The following SCAPER variants were observed in gnomAD, a reference collection of about 807,000 sequenced individuals.
SCAPER encodes S-phase cyclin A associated protein in the ER.
A neutral mutation model predicts 182.2 loss-of-function variants in SCAPER; 98 were observed. The observed-to-expected ratio is 0.54, with a 90% CI of 0.46 to 0.64. The LOEUF is 0.64. Among genes scored for constraint, SCAPER ranks in the 30% least tolerant of loss-of-function variants. The pLI is 0.00. For missense variants in SCAPER, 1,432 were observed against 1,690.0 expected (o/e 0.85, Z 2.68); for synonymous variants, 605 against 564.6 (o/e 1.07, Z -1.01).
chr15:76,419,260 C>T (rs1183090777), intron 26 of SCAPER, among the ~76,000 whole-genome samples: 1 of 149,170 alleles, frequency 6.7e-6, no homozygotes, highest in Non-Finnish European at 1.5e-5. Context: ...ACCCAGGAGG[C>T]GGAGGCTGTG....
At chr15:76,478,914 A>G (rs1360473790) in intron 24 of SCAPER, among the ~76,000 whole-genome samples, 1 of 152,142 alleles carries the variant, frequency 6.6e-6, no homozygotes, top group Non-Finnish European at 1.5e-5. Flanking sequence ...CTACATTTAT[A>G]TAACCTTTAT....
Position 76,871,667 on chromosome 15 carries a change from G to C in SCAPER, c.7-9134C>G, listed in dbSNP as rs563335762. Among the ~76,000 whole-genome samples the C allele has an allele frequency of 4.0e-5, 6 of 150,890 alleles. No homozygotes were observed. The South Asian group carries it at 6.3e-4, about 16-fold the overall frequency. The stretch of plus-strand genomic sequence containing the variant: ...AGTTCACTGAAGCCTCTGCCTCCTG[G>C]GTTCAAGCAATTCTCCAGGTTCAAG... On this transcript the variant is annotated intron_variant, in intron 2 of 31. Coordinates refer to ENST00000563290, the MANE Select transcript of SCAPER (RefSeq NM_020843.4).
chr15:76,698,387 G>A (rs2058761310), intron 20 of SCAPER, among the ~76,000 whole-genome samples: 1 of 152,076 alleles, frequency 6.6e-6, no homozygotes, highest in Non-Finnish European at 1.5e-5. Context: ...TCAAACACTG[G>A]AGACTTTTAA....
intron 24 of SCAPER, among the ~76,000 whole-genome samples, chr15:76,502,296 G>A (rs1037096057): frequency 4.6e-5 from 7 of 152,026 alleles, no homozygotes; most frequent in Non-Finnish European, 7.4e-5. Context: ...TTGAGGAATC[G>A]CCACACTCTC....
intron 20 of SCAPER, among the ~76,000 whole-genome samples, chr15:76,689,735 G>A (rs1229424588): frequency 6.6e-6 from 1 of 151,300 alleles, no homozygotes; most frequent in Non-Finnish European, 1.5e-5. Flanking sequence ...TGATTCTAGG[G>A]CTAGAAAAGG....
intron 1 of SCAPER, among the ~76,000 whole-genome samples, chr15:76,886,470 ACT>A (rs1162399213): frequency 6.6e-6 from 1 of 152,076 alleles, no homozygotes. Context: ...ACAGAGTGAG[ACT>A]CTCTCTCAAA....
intron 14 of SCAPER, among the ~76,000 whole-genome samples, chr15:76,761,307 G>T (rs534702144): frequency 6.6e-6 from 1 of 151,340 alleles, no homozygotes; most frequent in Non-Finnish European, 1.5e-5. Flanking sequence ...TTTTCCCATC[G>T]TTTTTCTCTT....
chr15:76,421,693 G>T (rs1161934641), intron 26 of SCAPER, among the ~76,000 whole-genome samples: 4 of 152,140 alleles, frequency 2.6e-5, no homozygotes, highest in Admixed American at 2.6e-4. Context: ...TGAAGTCCTT[G>T]CCCATGCCTA....
chr15:76,649,524 G>T (rs2054836912), intron 21 of SCAPER, among the ~76,000 whole-genome samples: 2 of 150,334 alleles, frequency 1.3e-5, no homozygotes, highest in Non-Finnish European at 3.0e-5. Context: ...TTAAAACCAT[G>T]ATATGGAAAA....
At chr15:76,788,894 T>C (rs1442840145) in intron 8 of SCAPER, among the ~76,000 whole-genome samples, 1 of 152,150 alleles carries the variant, frequency 6.6e-6, no homozygotes, top group African/African-American at 2.4e-5. Context: ...CTAGTACCCA[T>C]AGGCTCAAGC....
rs200807544 is a variant in SCAPER at position 76,843,577 on chromosome 15, G to GA, written c.196-1647dup. ...ATTATCATAAGAAAGACAAAAAGGA[G>GA]AAAAAATAAGCTTGTAGAAAAAATG... On this transcript the variant is annotated intron_variant, in intron 4 of 31. Transcript: ENST00000563290. Among the ~76,000 whole-genome samples, 121 of 152,218 alleles carry GA rather than the reference G, an allele frequency of 7.9e-4. 2 individuals carry two copies. In the East Asian group the frequency reaches 0.022, roughly 28 times the overall value.
At chr15:76,613,916 T>G (rs992930658) in intron 22 of SCAPER, among the ~76,000 whole-genome samples, 3 of 151,648 alleles carry the variant, frequency 2.0e-5, no homozygotes, top group African/African-American at 4.8e-5. Flanking sequence ...TGGACATATA[T>G]CCAAAGGAAT....
chr15:76,540,563 A>G (rs1476012741), intron 23 of SCAPER, among the ~76,000 whole-genome samples: 2 of 152,056 alleles, frequency 1.3e-5, no homozygotes, highest in South Asian at 2.1e-4. Context: ...GTGTATATGT[A>G]TATTTACAGA....
intron 25 of SCAPER, among the ~76,000 whole-genome samples, chr15:76,448,194 C>T (rs79171031): frequency 0.068 from 10,350 of 152,108 alleles, 391 homozygotes; most frequent in Middle Eastern, 0.11. Context: ...CTAGAAGTGA[C>T]ATGAAAAGTT....
chr15:76,724,421 AAGG>A (rs2060463946), intron 17 of SCAPER, among the ~76,000 whole-genome samples: 1 of 152,012 alleles, frequency 6.6e-6, no homozygotes, highest in African/African-American at 2.4e-5. Flanking sequence ...TGCTCTTCTC[AAGG>A]AGTATCTTTG....
At chr15:76,487,600 G>C (rs2051784531) in intron 24 of SCAPER, among the ~76,000 whole-genome samples, 1 of 151,980 alleles carries the variant, frequency 6.6e-6, no homozygotes, top group South Asian at 2.1e-4. Flanking sequence ...TTCAAGAATA[G>C]GTAAAACTGA....
intron 25 of SCAPER, among the ~76,000 whole-genome samples, chr15:76,441,185 T>A (rs942525394): frequency 2.0e-5 from 3 of 149,654 alleles, no homozygotes; most frequent in Non-Finnish European, 4.5e-5. Flanking sequence ...CCTCCCAAAG[T>A]GCTGGGATTA....
chr15:76,633,018 G>A (rs747961867), intron 21 of SCAPER, among the ~76,000 whole-genome samples: 4 of 151,908 alleles, frequency 2.6e-5, no homozygotes, highest in Admixed American at 6.6e-5. Flanking sequence ...CAGGTGATCC[G>A]CCTGCCTCGG....
intron 24 of SCAPER, among the ~76,000 whole-genome samples, chr15:76,480,764 T>A (rs2051051521): frequency 6.6e-6 from 1 of 152,136 alleles, no homozygotes; most frequent in Admixed American, 6.6e-5. Flanking sequence ...GGAGTCTCCC[T>A]CTGTCACCCA....
Sources: allele counts gnomAD v4.1 joint callset (sites outside exome capture counted in the v4.1 genomes callset), GRCh38; gene constraint gnomAD v4.1.1; transcripts MANE v1.5; gene names NCBI Gene and HGNC (gene_info 2026-07-23, HGNC 2026-07-21).